PPM1E: variants seen among roughly 807,000 people sequenced by gnomAD.
PPM1E encodes protein phosphatase 1E.
PPM1E carries 20 observed loss-of-function variants against 65.9 expected under a neutral mutation model. That is an observed-to-expected ratio of 0.30 (90% CI 0.21 to 0.44). The LOEUF (loss-of-function observed/expected upper bound fraction) is 0.44, where lower values mean the gene tolerates loss of function less well. PPM1E is among the 20% of genes least tolerant of loss of function. The probability of loss-of-function intolerance (pLI) is 1.00; values close to 1 mark genes in which losing one functional copy is unlikely to be tolerated. For synonymous variants in PPM1E, 352 were observed against 374.9 expected, an observed-to-expected ratio of 0.94 and a Z score of 0.70; for missense variants, 713 against 953.1, an observed-to-expected ratio of 0.75 and a Z score of 3.32.
At chr17:58,894,641 T>C (rs2051389649) in intron 1 of PPM1E, among the ~76,000 whole-genome samples, 1 of 152,176 alleles carries the variant, frequency 6.6e-6, no homozygotes, top group African/African-American at 2.4e-5. Flanking sequence ...AGGAGCTTCA[T>C]TGATCTTTCC....
At chr17:58,823,648 G>A (rs1388853458) in intron 1 of PPM1E, among the ~76,000 whole-genome samples, 1 of 152,014 alleles carries the variant, frequency 6.6e-6, no homozygotes, top group Non-Finnish European at 1.5e-5. Flanking sequence ...TGCACCACAG[G>A]AAAGATAAAA....
chr17:58,913,375 G>C (rs1027547443), intron 1 of PPM1E, among the ~76,000 whole-genome samples: 10 of 152,032 alleles, frequency 6.6e-5, no homozygotes, highest in African/African-American at 2.4e-4. Flanking sequence ...ATCTAGGCTT[G>C]AGCAGACTTA....
intron 1 of PPM1E, among the ~76,000 whole-genome samples, chr17:58,870,644 T>C (rs530217797): frequency 1.3e-5 from 2 of 152,296 alleles, no homozygotes; most frequent in East Asian, 3.9e-4. Context: ...AAATTGAGTA[T>C]GCAGAGAAAC....
Position 58,983,251 on chromosome 17 carries a change from A to G in PPM1E, c.*2220A>G, listed in dbSNP as rs1255130374. On this transcript the variant is annotated 3_prime_UTR_variant, in exon 7 of 7. Coordinates refer to ENST00000308249, the MANE Select transcript of PPM1E (RefSeq NM_014906.5). ...GCAAAGTAGTTCTAGTGTGGTCGTTATAAACCAATATTGTGAAAAATAGCA... is the reference window on the plus strand; with the variant it reads ...GCAAAGTAGTTCTAGTGTGGTCGTTGTAAACCAATATTGTGAAAAATAGCA... The G allele has an allele frequency of 1.8e-5, 4 of 220,004 alleles. No homozygotes were observed. Among genetic ancestry groups the G allele is most frequent in the African/African-American group, 9.1e-5 (4 of 43,864 alleles). The allele number at this position is 220,004 out of a possible 1,614,324, so 13.6% of individuals were successfully genotyped here. A position where few individuals can be genotyped will look rare whatever the true frequency, so the allele number is the denominator to read the frequency against.
At chr17:58,920,126 A>G (rs1381438421) in intron 1 of PPM1E, among the ~76,000 whole-genome samples, 2 of 152,224 alleles carry the variant, frequency 1.3e-5, no homozygotes, top group Non-Finnish European at 2.9e-5. Context: ...AGATAAACAG[A>G]GGAATCAAAA....
chr17:58,956,190 G>A (rs1452769928), intron 2 of PPM1E, among the ~76,000 whole-genome samples: 3 of 152,106 alleles, frequency 2.0e-5, no homozygotes, highest in Non-Finnish European at 4.4e-5. Flanking sequence ...TAATCCCAGC[G>A]TGAGAGGCTG....
chr17:58,936,145 C>T (rs1329994044), intron 1 of PPM1E, among the ~76,000 whole-genome samples: 1 of 151,992 alleles, frequency 6.6e-6, no homozygotes, highest in East Asian at 1.9e-4. Flanking sequence ...TCAGTTGACT[C>T]CACGTGGCAT....
chr17:58,871,545 T>C (rs1460651031), intron 1 of PPM1E, among the ~76,000 whole-genome samples: 2 of 152,154 alleles, frequency 1.3e-5, no homozygotes, highest in East Asian at 3.9e-4. Flanking sequence ...CCAGGCACAG[T>C]GGCTCACACC....
intron 1 of PPM1E, among the ~76,000 whole-genome samples, chr17:58,923,643 A>C (rs1205755015): frequency 6.7e-6 from 1 of 149,710 alleles, no homozygotes; most frequent in African/African-American, 2.5e-5. Flanking sequence ...GCTACTCGGG[A>C]GGTTGAGGCA....
chr17:58,806,958 G>GC (rs1399979144), intron 1 of PPM1E, among the ~76,000 whole-genome samples: 1 of 151,720 alleles, frequency 6.6e-6, no homozygotes, highest in Non-Finnish European at 1.5e-5. Flanking sequence ...ACCTGCCTCA[G>GC]CCCCCCAAAG....
chr17:58,913,741 G>A (rs1157140685), intron 1 of PPM1E, among the ~76,000 whole-genome samples: 5 of 152,184 alleles, frequency 3.3e-5, no homozygotes, highest in Non-Finnish European at 7.3e-5. Context: ...AAGACCAGCT[G>A]AGCCAGCTTT....
At chr17:58,793,094 GAT>G (rs779745433) in intron 1 of PPM1E, among the ~76,000 whole-genome samples, 67 of 152,006 alleles carry the variant, frequency 4.4e-4, no homozygotes, top group Non-Finnish European at 6.8e-4. Flanking sequence ...ATGTTGGCTT[GAT>G]AGATGCTCTG....
intron 1 of PPM1E, among the ~76,000 whole-genome samples, chr17:58,926,234 G>A (rs1398157988): frequency 1.3e-5 from 2 of 151,784 alleles, no homozygotes; most frequent in East Asian, 1.9e-4. Flanking sequence ...CCAGCTACTC[G>A]GGAGGCTGAG....
chr17:58,899,923 A>G (rs970350690), intron 1 of PPM1E, among the ~76,000 whole-genome samples: 3 of 151,792 alleles, frequency 2.0e-5, no homozygotes, highest in African/African-American at 7.3e-5. Flanking sequence ...AACAGAATGC[A>G]GTGGTGGGCA....
chr17:58,771,529 C>T (rs571595058), intron 1 of PPM1E, among the ~76,000 whole-genome samples: 9 of 151,438 alleles, frequency 5.9e-5, no homozygotes, highest in African/African-American at 2.2e-4. Flanking sequence ...GAGGCTGAGG[C>T]AGGAGAATCG....
intron 6 of PPM1E, among the ~76,000 whole-genome samples, chr17:58,977,098 G>T (rs1416719074): frequency 6.6e-6 from 1 of 152,098 alleles, no homozygotes; most frequent in African/African-American, 2.4e-5. Flanking sequence ...TATAAGTGAA[G>T]TTGATTAAAT....
rs746242799 is a variant in PPM1E, at chr17:58,972,183, C to A, written c.1024C>A (p.Leu342Ile). Reference sequence around the variant, plus strand: ...GGTGACTTTCATCAGAGGCAACATGCTACATGTGGCCTGGGTGGGTGATTC... The same window carrying A: ...GGTGACTTTCATCAGAGGCAACATGATACATGTGGCCTGGGTGGGTGATTC... Reference protein sequence around the residue: ...GVVTFIRGNMLHVAWVGDSQV... With the variant: ...GVVTFIRGNMIHVAWVGDSQV... The change falls in exon 5 of 7, where the codon CTA becomes ATA. Residue 342 changes from leucine (L) to isoleucine (I), a missense_variant. Leu to Ile is a conservative substitution (Grantham distance 5, BLOSUM62 2). Transcript: ENST00000308249. The A allele has an allele frequency of 6.2e-7, 1 of 1,613,762 alleles. No individual in the cohort carries two copies. Among genetic ancestry groups the A allele is most frequent in the Non-Finnish European group, 8.5e-7 (1 of 1,179,682 alleles).
intron 1 of PPM1E, among the ~76,000 whole-genome samples, chr17:58,765,949 C>T (rs1395076405): frequency 1.4e-5 from 2 of 147,998 alleles, no homozygotes; most frequent in Admixed American, 6.8e-5. Flanking sequence ...GGCCCAGTCT[C>T]GGCGCACTGC....
At chr17:58,821,091 TTTTGTTTGTTTG>T (rs564976079) in intron 1 of PPM1E, among the ~76,000 whole-genome samples, 2 of 152,048 alleles carry the variant, frequency 1.3e-5, no homozygotes, top group Middle Eastern at 3.4e-3. Context: ...AGCTTTGTAT[TTTTGTTTGTTTG>T]TTTGTTTGTT....
Sources: allele counts gnomAD v4.1 joint callset (sites outside exome capture counted in the v4.1 genomes callset), GRCh38; gene constraint gnomAD v4.1.1; transcripts MANE v1.5; gene names NCBI Gene and HGNC (gene_info 2026-07-23, HGNC 2026-07-21).